SERGEF: variants seen among roughly 807,000 people sequenced by gnomAD.
The protein encoded by SERGEF is secretion regulating guanine nucleotide exchange factor, also known as secretion-regulating guanine nucleotide exchange factor.
Under a neutral mutation model 50.0 loss-of-function variants are expected in SERGEF, and 51 were observed. That is an observed-to-expected ratio of 1.02 (90% confidence interval 0.81 to 1.29). The LOEUF (loss-of-function observed/expected upper bound fraction) is 1.29. Among genes scored for constraint, SERGEF ranks in the 50% most tolerant of loss-of-function variants. The pLI is 0.00. For missense variants in SERGEF, 521 were observed against 557.0 expected (o/e 0.94, Z 0.65); for synonymous variants, 205 against 212.4 (o/e 0.97, Z 0.30).
At chr11:17,962,057 T>G (rs1283641311) in intron 8 of SERGEF, among the ~76,000 whole-genome samples, 3 of 152,204 alleles carry the variant, frequency 2.0e-5, no homozygotes, top group Non-Finnish European at 4.4e-5. Flanking sequence ...AACAACCAAA[T>G]AGTCGAATCA....
intron 8 of SERGEF, among the ~76,000 whole-genome samples, chr11:17,967,682 G>A (rs1485607248): frequency 3.3e-5 from 5 of 152,216 alleles, no homozygotes; most frequent in Admixed American, 3.3e-4. Context: ...GGCTAGGGAA[G>A]AGCATGGCAG....
At chr11:17,823,774 C>T (rs138593267) in intron 10 of SERGEF, among the ~76,000 whole-genome samples, 1 of 152,320 alleles carries the variant, frequency 6.6e-6, no homozygotes, top group East Asian at 1.9e-4. Context: ...CTTCCAGCTT[C>T]CTTTATTCCC....
At chr11:17,847,081 C>T (rs1489803178) in intron 10 of SERGEF, among the ~76,000 whole-genome samples, 2 of 152,194 alleles carry the variant, frequency 1.3e-5, no homozygotes, top group Non-Finnish European at 2.9e-5. Context: ...GGAGGCTGTT[C>T]CTTTATCAGG....
At chr11:17,860,026 C>T (rs889222551) in intron 10 of SERGEF, among the ~76,000 whole-genome samples, 14 of 152,254 alleles carry the variant, frequency 9.2e-5, no homozygotes, top group Middle Eastern at 3.4e-3. Context: ...GAAGTCATCA[C>T]GTAACCACGG....
At chr11:17,949,272 T>A (rs1233350556) in intron 9 of SERGEF, among the ~76,000 whole-genome samples, 5 of 152,022 alleles carry the variant, frequency 3.3e-5, no homozygotes, top group South Asian at 2.1e-4. Context: ...TTGGGGAAGA[T>A]GGGGAACTAC....
intron 9 of SERGEF, among the ~76,000 whole-genome samples, chr11:17,945,772 C>T (rs1852646588): frequency 6.6e-6 from 1 of 151,998 alleles, no homozygotes; most frequent in African/African-American, 2.4e-5. Context: ...CATGGAGAAA[C>T]CCCATCTCTA....
At chr11:17,977,845 C>T (rs1853409907) in intron 8 of SERGEF, among the ~76,000 whole-genome samples, 1 of 152,098 alleles carries the variant, frequency 6.6e-6, no homozygotes, top group African/African-American at 2.4e-5. Context: ...CACCAGACAC[C>T]AAATCTTCTG....
intron 8 of SERGEF, among the ~76,000 whole-genome samples, chr11:17,975,364 A>C (rs529494274): frequency 6.6e-6 from 1 of 152,334 alleles, no homozygotes; most frequent in South Asian, 2.1e-4. Context: ...CCCCTTCCTC[A>C]CACACCTCCA....
At chr11:17,817,982 G>C (rs1850009858) in intron 10 of SERGEF, among the ~76,000 whole-genome samples, 1 of 152,152 alleles carries the variant, frequency 6.6e-6, no homozygotes, top group South Asian at 2.1e-4. Context: ...AGGTGACTTT[G>C]GATGAGCGAG....
At chr11:17,965,926 CT>C (rs1011914883) in intron 8 of SERGEF, among the ~76,000 whole-genome samples, 3 of 152,334 alleles carry the variant, frequency 2.0e-5, no homozygotes, top group African/African-American at 7.2e-5. Flanking sequence ...TGCAAGGATA[CT>C]TTTCCATAAA....
intron 9 of SERGEF, among the ~76,000 whole-genome samples, chr11:17,891,100 T>A (rs997632508): frequency 1.3e-5 from 2 of 152,132 alleles, no homozygotes; most frequent in Non-Finnish European, 2.9e-5. Flanking sequence ...AGACTGAAGG[T>A]TTGCTTACTA....
chr11:17,817,456 T>A (rs1018574503), intron 10 of SERGEF, among the ~76,000 whole-genome samples: 1 of 152,156 alleles, frequency 6.6e-6, no homozygotes, highest in African/African-American at 2.4e-5. Context: ...GACCTCGTGA[T>A]CTGCCTGCCT....
intron 10 of SERGEF, among the ~76,000 whole-genome samples, chr11:17,838,341 T>G (rs1430242162): frequency 1.3e-5 from 2 of 152,142 alleles, no homozygotes; most frequent in African/African-American, 4.8e-5. Context: ...ACAGAGAGAC[T>G]TGAAGTGGCC....
rs539139994 is a variant in SERGEF, at chr11:17,860,303, G to A, written c.1048+17905C>T. 8.5e-5 allele frequency among the ~76,000 whole-genome samples: 13 copies of A among 152,060 alleles called. No individual in the cohort carries two copies. The South Asian group carries it at 2.7e-3, about 32-fold the overall frequency. On this transcript the variant is annotated intron_variant, in intron 10 of 10. Transcript: ENST00000265965. ...AAGTATAGCATAGGAACCATATCAT[G>A]ATATATTACTTGGCTTAGCAGTGAG...
intron 10 of SERGEF, among the ~76,000 whole-genome samples, chr11:17,863,925 G>C (rs1850974348): frequency 6.6e-6 from 1 of 152,254 alleles, no homozygotes; most frequent in Non-Finnish European, 1.5e-5. Context: ...CATGAAGACA[G>C]ACTTTGAGAG....
At chr11:17,855,552 T>C (rs1375626517) in intron 10 of SERGEF, 1 of 152,180 alleles carries the variant, frequency 6.6e-6, no homozygotes. Context: ...ATATACATCA[T>C]GGACACACTG....
intron 8 of SERGEF, among the ~76,000 whole-genome samples, chr11:17,973,717 T>C (rs940796543): frequency 5.9e-5 from 9 of 152,188 alleles, no homozygotes; most frequent in African/African-American, 1.2e-4. Flanking sequence ...GGGGTCCTAA[T>C]AGAGCTATAC....
rs927845018 is a variant in SERGEF at position 17,884,354 on chromosome 11, T to C, written c.1012-6110A>G. Among the ~76,000 whole-genome samples, 1 of 151,774 alleles carries C rather than the reference T, an allele frequency of 6.6e-6. No homozygotes were observed. The highest frequency in any genetic ancestry group is 1.5e-5 in the Non-Finnish European group (1 of 67,996). On this transcript the variant is annotated intron_variant, in intron 9 of 10. Coordinates refer to ENST00000265965, the MANE Select transcript of SERGEF (RefSeq NM_012139.4). The surrounding 1 kb of genome is among the most constrained non-coding windows in gnomAD (Gnocchi z 4.6). Reference sequence around the variant, plus strand: ...AAGCGTACCAGAAGCAGCTCCAGAATGGCAGCCCCAGCTGGCTGGGCAGCC... The same window carrying C: ...AAGCGTACCAGAAGCAGCTCCAGAACGGCAGCCCCAGCTGGCTGGGCAGCC...
At chr11:17,997,113 C>A (rs957805267) in intron 5 of SERGEF, among the ~76,000 whole-genome samples, 4 of 152,210 alleles carry the variant, frequency 2.6e-5, no homozygotes, top group African/African-American at 9.7e-5. Context: ...GGGAAGATCA[C>A]TTGCGCCTGG....
Sources: gnomAD v4.1 joint callset for allele counts (sites outside exome capture counted in the v4.1 genomes callset) on GRCh38, gnomAD v4.1.1 for gene constraint, Gnocchi (gnomAD v3.1) non-coding constraint, MANE v1.5 for transcripts, NCBI Gene and HGNC (gene_info 2026-07-23, HGNC 2026-07-21) for gene names.